Variants in RBM20 observed in about 807,000 individuals in gnomAD.
RBM20 encodes the protein RNA-binding protein 20.
In RBM20, 51 loss-of-function variants were observed where a neutral mutation model predicts 110.1. The observed-to-expected ratio is 0.46, with a 90% CI of 0.37 to 0.59. The LOEUF is 0.59. Among genes scored for constraint, RBM20 ranks in the 20% least tolerant of loss-of-function variants. The probability of loss-of-function intolerance (pLI) is 0.00; values close to 1 mark genes in which losing one functional copy is unlikely to be tolerated. For synonymous variants in RBM20, 589 were observed against 618.2 expected, an observed-to-expected ratio of 0.95 and a Z score of 0.70; for missense variants, 1,512 against 1,574.9, an observed-to-expected ratio of 0.96 and a Z score of 0.68.
rs149698446 is a variant in RBM20 at position 110,785,195 on chromosome 10, A to G, written c.1527+306A>G. 7.7e-3 allele frequency among the ~76,000 whole-genome samples: 1,167 copies of G among 152,294 alleles called. 15 individuals carry two copies. Among genetic ancestry groups the G allele is most frequent in the African/African-American group, 0.027 (1,103 of 41,530 alleles). On this transcript the variant is annotated intron_variant, in intron 5 of 13. Coordinates refer to ENST00000369519, the MANE Select transcript of RBM20 (RefSeq NM_001134363.3). ...CAGCACTGTGTTCTTCATGCTCAGT[A>G]TGCACCTGACATGCCACAGGCTGGG...
intron 1 of RBM20, among the ~76,000 whole-genome samples, chr10:110,738,480 G>A (rs925830479): frequency 2.0e-5 from 3 of 152,212 alleles, no homozygotes; most frequent in Middle Eastern, 3.2e-3. Context: ...AGCAAAGTCA[G>A]GCAGTTGGTC....
At chr10:110,769,693 G>C (rs1051305526) in intron 1 of RBM20, among the ~76,000 whole-genome samples, 1 of 151,894 alleles carries the variant, frequency 6.6e-6, no homozygotes, top group Non-Finnish European at 1.5e-5. Context: ...TAAAATACAG[G>C]GGTTACTCAA....
intron 1 of RBM20, among the ~76,000 whole-genome samples, chr10:110,658,134 C>T (rs193235125): frequency 1.7e-4 from 26 of 152,234 alleles, no homozygotes; most frequent in Admixed American, 1.6e-3. Context: ...TGCAGAACTT[C>T]AAACTGAAAG....
chr10:110,733,787 G>A (rs985154439), intron 1 of RBM20, among the ~76,000 whole-genome samples: 11 of 152,106 alleles, frequency 7.2e-5, no homozygotes, highest in South Asian at 2.1e-4. Context: ...TTTCACTCTC[G>A]CTCTAAAGAT....
chr10:110,799,049 G>A (rs747692724), intron 6 of RBM20, among the ~76,000 whole-genome samples: 9 of 152,312 alleles, frequency 5.9e-5, no homozygotes, highest in Non-Finnish European at 1.3e-4. Flanking sequence ...AACATAATCG[G>A]GAAGTTTTCC....
At chr10:110,768,435 T>C (rs941856822) in intron 1 of RBM20, among the ~76,000 whole-genome samples, 1 of 152,224 alleles carries the variant, frequency 6.6e-6, no homozygotes, top group Non-Finnish European at 1.5e-5. Flanking sequence ...AAAGGGATAT[T>C]TTTCTCAATA....
Position 110,748,768 on chromosome 10 carries a change from A to G in RBM20, c.192-32033A>G, listed in dbSNP as rs1843816652. 2.0e-5 allele frequency among the ~76,000 whole-genome samples: 3 copies of G among 152,304 alleles called. 1 individual carries two copies. In the South Asian group the frequency reaches 6.2e-4, roughly 32 times the overall value. On this transcript the variant is annotated intron_variant, in intron 1 of 13. Coordinates refer to ENST00000369519, the MANE Select transcript of RBM20 (RefSeq NM_001134363.3). Reference sequence around the variant, plus strand: ...TTGATTATTTTAAGGTACACAGTTCAGTGCCACTAAGTGCATTTACAATGC... The same window carrying G: ...TTGATTATTTTAAGGTACACAGTTCGGTGCCACTAAGTGCATTTACAATGC...
chr10:110,778,194 T>TC (rs1390021204), intron 1 of RBM20, among the ~76,000 whole-genome samples: 5 of 152,122 alleles, frequency 3.3e-5, no homozygotes, highest in African/African-American at 1.2e-4. Context: ...AGTGCCCTCT[T>TC]CCCCCATATT....
intron 8 of RBM20, among the ~76,000 whole-genome samples, chr10:110,810,813 G>T (rs1844756820): frequency 6.9e-6 from 1 of 145,462 alleles, no homozygotes; most frequent in Middle Eastern, 3.3e-3. Context: ...GTGTGTGTGT[G>T]TGCGTGTGTG....
intron 1 of RBM20, among the ~76,000 whole-genome samples, chr10:110,733,412 C>T (rs561645772): frequency 3.3e-5 from 5 of 152,314 alleles, no homozygotes; most frequent in East Asian, 1.9e-4. Flanking sequence ...GGAGGATTGA[C>T]GATGTGGCTT....
At position 110,661,026 on chromosome 10, in the gene RBM20, G is replaced by T. The variant is rs1590601134; in HGVS notation, c.191+16381G>T. ...ACATAAGCTCTCCAATGGCAGGAGAGTTGTACTCAGTGATTTACCCCCCAG... is the reference window on the plus strand; with the variant it reads ...ACATAAGCTCTCCAATGGCAGGAGATTTGTACTCAGTGATTTACCCCCCAG... On this transcript the variant is annotated intron_variant, in intron 1 of 13. Transcript: ENST00000369519. Among the ~76,000 whole-genome samples, 8 of 152,246 alleles carry T rather than the reference G, an allele frequency of 5.3e-5. No homozygotes were observed. The South Asian group carries it at 1.7e-3, about 32-fold the overall frequency.
chr10:110,645,116 T>C (rs1861850342), intron 1 of RBM20, among the ~76,000 whole-genome samples: 1 of 152,178 alleles, frequency 6.6e-6, no homozygotes, highest in Admixed American at 6.5e-5. Context: ...GTAAACAACA[T>C]GTTTTACTTT....
chr10:110,723,085 C>G (rs1419407088), intron 1 of RBM20, among the ~76,000 whole-genome samples: 3 of 150,528 alleles, frequency 2.0e-5, no homozygotes, highest in African/African-American at 7.4e-5. Context: ...GCACTCCAGC[C>G]TGGGCGCCAG....
rs1230111363 is a variant in RBM20 at position 110,835,981 on chromosome 10, C to T, written c.*3C>T. 8 of 1,026,334 alleles carry T rather than the reference C, an allele frequency of 7.8e-6. No individual in the cohort carries two copies. Among genetic ancestry groups the T allele is most frequent in the Middle Eastern group, 2.0e-4 (1 of 4,974 alleles). 63.6% of individuals were successfully genotyped at this position (1,026,334 alleles called of 1,614,324 possible). A position where few individuals can be genotyped will look rare whatever the true frequency, so the allele number is the denominator to read the frequency against. On this transcript the variant is annotated 3_prime_UTR_variant, in exon 14 of 14. Coordinates refer to ENST00000369519, the MANE Select transcript of RBM20 (RefSeq NM_001134363.3). ...GCTTCGAAAGGAAAAAGCTCTGATG[C>T]TTCTGCTTCTGCTGCTACTGCTGCT...
At position 110,837,321 on chromosome 10, in the gene RBM20, G is replaced by A. The variant is rs1450126106; in HGVS notation, c.*1343G>A. 6.6e-6 allele frequency: 1 copy of A among 152,204 alleles called. No homozygotes were observed. The highest frequency in any genetic ancestry group is 1.5e-5 in the Non-Finnish European group (1 of 68,050). 9.4% of individuals were successfully genotyped at this position (152,204 alleles called of 1,614,324 possible). On this transcript the variant is annotated 3_prime_UTR_variant, in exon 14 of 14. Coordinates refer to ENST00000369519, the MANE Select transcript of RBM20 (RefSeq NM_001134363.3). ...TCTCTAGCCTGATATTCCATTGAAA[G>A]GGTGTGGGATAAAGGTGCTGGGGGA... is the stretch of plus-strand genomic sequence containing the variant.
At chr10:110,762,366 C>T (rs1055448230) in intron 1 of RBM20, among the ~76,000 whole-genome samples, 11 of 152,200 alleles carry the variant, frequency 7.2e-5, no homozygotes, top group African/African-American at 1.9e-4. Context: ...TACATGCCTA[C>T]GACATTGAAC....
At position 110,653,531 on chromosome 10, in the gene RBM20, A is replaced by AT. The variant is rs55847568; in HGVS notation, c.191+8899dup. On this transcript the variant is annotated intron_variant, in intron 1 of 13. Transcript: ENST00000369519. ...TGTCAGATAATCTCTCATATAGCTGATTTTTTTTTTTTTGCATTTGTTTAT... is the reference window on the plus strand; with the variant it reads ...TGTCAGATAATCTCTCATATAGCTGATTTTTTTTTTTTTTGCATTTGTTTAT... Among the ~76,000 whole-genome samples the AT allele has an allele frequency of 5.2e-3, 745 of 144,292 alleles. 6 individuals carry two copies. The highest frequency in any genetic ancestry group is 0.015 in the African/African-American group (594 of 39,506). 94.7% of individuals were successfully genotyped at this position (144,292 alleles called of 152,430 possible).
At chr10:110,687,415 T>G (rs1347002977) in intron 1 of RBM20, among the ~76,000 whole-genome samples, 1 of 152,216 alleles carries the variant, frequency 6.6e-6, no homozygotes, top group African/African-American at 2.4e-5. Flanking sequence ...TCATTGATGA[T>G]TTTACGCATT....
At position 110,644,600 on chromosome 10, in the gene RBM20, A is replaced by G; in HGVS notation, c.146A>G (p.Gln49Arg). ...ATGCAGCAGCCGCCGCCGCCGCCCC[A>G]GCCACCGCCCCCGCCCCAAGCCGGC... ...RGMQQPPPPP[Q>R]PPPPPQAGLP... is the part of the protein sequence containing the mutation. Residue 49 changes from glutamine (Q) to arginine (R), a missense_variant, in exon 1 of 14, where the codon CAG (glutamine) becomes CGG (arginine). This residue lies in a region of RBM20 where 1,149 missense variants were observed against 1,169.4 expected (regional missense o/e 0.98). Coordinates refer to ENST00000369519, the MANE Select transcript of RBM20 (RefSeq NM_001134363.3). The surrounding 1 kb of genome is among the most constrained non-coding windows in gnomAD (Gnocchi z 4.3). 1.5e-6 allele frequency: 2 copies of G among 1,358,536 alleles called. No individual in the cohort carries two copies. The highest frequency in any genetic ancestry group is 2.5e-5 in the South Asian group (2 of 78,606). 84.2% of individuals were successfully genotyped at this position (1,358,536 alleles called of 1,614,324 possible). A position where few individuals can be genotyped will look rare whatever the true frequency, so the allele number is the denominator to read the frequency against.
Sources: gnomAD v4.1 joint callset for allele counts (sites outside exome capture counted in the v4.1 genomes callset) on GRCh38, gnomAD v4.1.1 for gene constraint, gnomAD v4.1.1 regional missense constraint, Gnocchi (gnomAD v3.1) non-coding constraint, MANE v1.5 for transcripts, NCBI Gene and HGNC (gene_info 2026-07-23, HGNC 2026-07-21) for gene names.